Variants in SAMD5 observed in about 807,000 individuals in gnomAD.
SAMD5 encodes the protein sterile alpha motif domain-containing protein 5.
SAMD5 carries 13 observed loss-of-function variants against 11.3 expected under a neutral mutation model. The ratio of observed to expected loss-of-function variants is 1.15; its 90% CI spans 0.75 to 1.83. The LOEUF (loss-of-function observed/expected upper bound fraction) is 1.83. Ranked by LOEUF, SAMD5 falls within the 40% of genes most tolerant of loss-of-function variation. The pLI is 0.00. For synonymous variants in SAMD5, 129 were observed against 111.3 expected (o/e 1.16, Z -1.00); for missense variants, 255 against 239.1 (o/e 1.07, Z -0.44).
At chr6:147,928,823 A>G in the SAMD5 span, among the ~76,000 whole-genome samples, 2 of 152,042 alleles carry the variant, frequency 1.3e-5, no homozygotes, top group African/African-American at 4.8e-5. Flanking sequence ...CCCTCTTAAC[A>G]CTGCCTTAGC....
chr6:147,591,131 A>G (rs1789447115), intron 1 of SAMD5, among the ~76,000 whole-genome samples: 1 of 138,522 alleles, frequency 7.2e-6, no homozygotes, highest in Non-Finnish European at 1.5e-5. Context: ...TGTTTCCATA[A>G]GAGCATCAAT....
At chr6:147,647,809 C>T (rs910415093) in intron 1 of SAMD5, among the ~76,000 whole-genome samples, 4 of 152,220 alleles carry the variant, frequency 2.6e-5, no homozygotes, top group African/African-American at 9.6e-5. Flanking sequence ...TGAGAGGCAT[C>T]GCTCACTGAA....
chr6:147,838,642 TG>T, the SAMD5 span, among the ~76,000 whole-genome samples: 2 of 151,658 alleles, frequency 1.3e-5, no homozygotes, highest in Non-Finnish European at 2.9e-5. Context: ...AATCTTACTC[TG>T]AAGGAGTGAG....
At chr6:147,809,110 C>G in the SAMD5 span, among the ~76,000 whole-genome samples, 6 of 152,288 alleles carry the variant, frequency 3.9e-5, no homozygotes, top group African/African-American at 1.4e-4. Flanking sequence ...AATCACTGAT[C>G]CGTCCTGGAG....
chr6:147,797,382 A>G, the SAMD5 span, among the ~76,000 whole-genome samples: 4 of 121,012 alleles, frequency 3.3e-5, no homozygotes, highest in Non-Finnish European at 6.5e-5. Context: ...ATTGATTTGC[A>G]TATATTGAAC....
the SAMD5 span, among the ~76,000 whole-genome samples, chr6:147,790,772 C>T: frequency 6.3e-5 from 3 of 47,362 alleles, no homozygotes; most frequent in African/African-American, 1.1e-4. Context: ...CTCTCTCTTT[C>T]TCTCTCTCTC....
the SAMD5 span, among the ~76,000 whole-genome samples, chr6:147,888,803 T>G: frequency 6.6e-6 from 1 of 151,680 alleles, no homozygotes; most frequent in Admixed American, 6.6e-5. Flanking sequence ...GAGAATCACT[T>G]GAACCCAGGA....
At chr6:147,866,630 A>C in the SAMD5 span, among the ~76,000 whole-genome samples, 1 of 152,220 alleles carries the variant, frequency 6.6e-6, no homozygotes, top group Non-Finnish European at 1.5e-5. Context: ...ATGGTTACTC[A>C]GAAAACAAAT....
At chr6:147,600,363 A>C (rs1789597036) in intron 1 of SAMD5, among the ~76,000 whole-genome samples, 1 of 152,180 alleles carries the variant, frequency 6.6e-6, no homozygotes, top group South Asian at 2.1e-4. Context: ...AGGAATCCAT[A>C]TTTAGAGATG....
intron 1 of SAMD5, among the ~76,000 whole-genome samples, chr6:147,709,823 T>A (rs1476719771): frequency 6.6e-6 from 1 of 152,198 alleles, no homozygotes; most frequent in African/African-American, 2.4e-5. Flanking sequence ...ACCCATCATC[T>A]TTTCTCTGGA....
At chr6:147,834,342 G>A in the SAMD5 span, among the ~76,000 whole-genome samples, 5 of 152,178 alleles carry the variant, frequency 3.3e-5, no homozygotes, top group African/African-American at 1.2e-4. Flanking sequence ...CTGTCATTAG[G>A]TAGTTACAAT....
chr6:147,556,372 G>A (rs190660522), intron 1 of SAMD5, among the ~76,000 whole-genome samples: 29 of 152,332 alleles, frequency 1.9e-4, no homozygotes, highest in Admixed American at 5.2e-4. Context: ...GATTACAGGC[G>A]TGAGCCACCG....
Position 147,690,121 on chromosome 6 carries a change from T to A in SAMD5, c.163-47196T>A, listed in dbSNP as rs1037232649. On this transcript the variant is annotated intron_variant, in intron 1 of 1. Transcript: ENST00000566741. ...AGACATGTTATAAGTAAATATAATA[T>A]AATCACATATAACAATAAGTGAAAT... Among the ~76,000 whole-genome samples, 54 of 151,962 alleles carry A rather than the reference T, an allele frequency of 3.6e-4. 1 individual carries two copies. Among genetic ancestry groups the A allele is most frequent in the African/African-American group, 1.3e-3 (54 of 41,442 alleles).
intron 1 of SAMD5, among the ~76,000 whole-genome samples, chr6:147,548,112 TATAATA>T (rs59236809): frequency 3.3e-5 from 5 of 151,906 alleles, no homozygotes; most frequent in Middle Eastern, 3.2e-3. Flanking sequence ...CAAGAAAAAA[TATAATA>T]ATAGCCAATT....
intron 1 of SAMD5, among the ~76,000 whole-genome samples, chr6:147,604,993 G>A (rs1789679947): frequency 6.6e-6 from 1 of 152,168 alleles, no homozygotes; most frequent in South Asian, 2.1e-4. Flanking sequence ...TCAGAGCCTT[G>A]ACCACTAAAA....
intron 1 of SAMD5, among the ~76,000 whole-genome samples, chr6:147,576,090 A>C: frequency 6.6e-6 from 1 of 152,116 alleles, no homozygotes; most frequent in Middle Eastern, 3.2e-3. Context: ...GTGGCAGCTC[A>C]AAATTTACTA....
chr6:147,803,721 G>A, the SAMD5 span, among the ~76,000 whole-genome samples: 8 of 152,134 alleles, frequency 5.3e-5, no homozygotes, highest in East Asian at 5.8e-4. Flanking sequence ...ACACGTGATC[G>A]GCAAGTAGCA....
chr6:147,871,944 A>C, the SAMD5 span, among the ~76,000 whole-genome samples: 1 of 152,220 alleles, frequency 6.6e-6, no homozygotes, highest in Non-Finnish European at 1.5e-5. Context: ...CTTAGCATTC[A>C]GAAAAATAAT....
chr6:147,547,395 A>G (rs1046437306), intron 1 of SAMD5, among the ~76,000 whole-genome samples: 1 of 152,086 alleles, frequency 6.6e-6, no homozygotes, highest in Admixed American at 6.6e-5. Context: ...TCCACTTCCA[A>G]GCTCATTTAG....
Sources: allele counts gnomAD v4.1 joint callset (sites outside exome capture counted in the v4.1 genomes callset), GRCh38; gene constraint gnomAD v4.1.1; transcripts MANE v1.5; gene names NCBI Gene and HGNC (gene_info 2026-07-23, HGNC 2026-07-21).